DACH1: variants seen among roughly 807,000 people sequenced by gnomAD.
The protein encoded by DACH1 is dachshund homolog 1.
DACH1 carries 12 observed loss-of-function variants against 54.2 expected under a neutral mutation model. The observed-to-expected ratio is 0.22, with a 90% CI of 0.14 to 0.36. The LOEUF is 0.36. DACH1 is among the 10% of genes least tolerant of loss of function. The pLI is 1.00. For missense variants in DACH1, 805 were observed against 929.8 expected, an observed-to-expected ratio of 0.87 and a Z score of 1.75; for synonymous variants, 386 against 366.2, an observed-to-expected ratio of 1.05 and a Z score of -0.62.
At chr13:71,476,493 C>T (rs1442323775) in intron 8 of DACH1, among the ~76,000 whole-genome samples, 1 of 152,100 alleles carries the variant, frequency 6.6e-6, no homozygotes, top group Admixed American at 6.6e-5. Context: ...ATTTTTCTCA[C>T]AGCAAATTTA....
chr13:71,494,679 A>G (rs2138216272), intron 6 of DACH1, among the ~76,000 whole-genome samples: 1 of 152,236 alleles, frequency 6.6e-6, no homozygotes, highest in South Asian at 2.1e-4. Context: ...ATAAAGCAGC[A>G]CATATTATAA....
chr13:71,736,500 A>C lies in DACH1; in HGVS notation c.849-54590T>G, dbSNP rs181340468. On this transcript the variant is annotated intron_variant, in intron 1 of 10. Coordinates refer to ENST00000613252, the MANE Select transcript of DACH1 (RefSeq NM_080759.6). ...TACAGATTTTAAAATATATATATAA[A>C]TATAAAAGTGTGTGATTGCTGAAAG... Among the ~76,000 whole-genome samples the C allele has an allele frequency of 5.2e-3, 787 of 152,252 alleles. 1 individual carries two copies. Among genetic ancestry groups the C allele is most frequent in the Non-Finnish European group, 8.5e-3 (577 of 68,008 alleles).
At chr13:71,592,114 G>A (rs1873752815) in intron 3 of DACH1, among the ~76,000 whole-genome samples, 1 of 152,074 alleles carries the variant, frequency 6.6e-6, no homozygotes, top group African/African-American at 2.4e-5. Context: ...AACAATCAAA[G>A]AGAAGGGCCA....
chr13:71,542,206 C>A (rs111284251), intron 6 of DACH1, among the ~76,000 whole-genome samples: 2 of 151,876 alleles, frequency 1.3e-5, no homozygotes, highest in East Asian at 3.9e-4. Flanking sequence ...GCTGAGATTG[C>A]GCCATTGCAC....
At chr13:71,696,306 A>C (rs1439597490) in intron 1 of DACH1, among the ~76,000 whole-genome samples, 4 of 152,170 alleles carry the variant, frequency 2.6e-5, no homozygotes, top group Admixed American at 6.5e-5. Flanking sequence ...ACATTATATA[A>C]TTTAATCTCC....
At chr13:71,584,870 G>A (rs750831110) in intron 3 of DACH1, among the ~76,000 whole-genome samples, 63 of 152,096 alleles carry the variant, frequency 4.1e-4, no homozygotes, top group Non-Finnish European at 6.6e-4. Flanking sequence ...TTATTATGCA[G>A]TCATATAAAC....
chr13:71,705,318 C>A (rs757703883), intron 1 of DACH1, among the ~76,000 whole-genome samples: 15 of 152,126 alleles, frequency 9.9e-5, no homozygotes, highest in Non-Finnish European at 1.9e-4. Flanking sequence ...AAGTCCACAA[C>A]CAGAAACTAG....
chr13:71,607,038 T>C (rs1433687332), intron 3 of DACH1, among the ~76,000 whole-genome samples: 1 of 152,010 alleles, frequency 6.6e-6, no homozygotes, highest in African/African-American at 2.4e-5. Flanking sequence ...TTTCAAAAGG[T>C]TTGTGGTTTT....
intron 1 of DACH1, among the ~76,000 whole-genome samples, chr13:71,717,986 T>G (rs1655668847): frequency 6.6e-6 from 1 of 152,074 alleles, no homozygotes; most frequent in African/African-American, 2.4e-5. Context: ...TCATTTGGTC[T>G]TTTGCTACCC....
At chr13:71,591,958 C>T (rs1873743232) in intron 3 of DACH1, among the ~76,000 whole-genome samples, 1 of 152,082 alleles carries the variant, frequency 6.6e-6, no homozygotes, top group African/African-American at 2.4e-5. Flanking sequence ...AAAAAGGGAG[C>T]TTTTTCTCTA....
chr13:71,561,089 G>A (rs753107608), intron 4 of DACH1, among the ~76,000 whole-genome samples: 1 of 152,130 alleles, frequency 6.6e-6, no homozygotes, highest in Non-Finnish European at 1.5e-5. Flanking sequence ...GAGGTTCCAG[G>A]TTTTGTACTG....
chr13:71,649,575 T>C (rs1878532327), intron 2 of DACH1, among the ~76,000 whole-genome samples: 1 of 152,156 alleles, frequency 6.6e-6, no homozygotes, highest in South Asian at 2.1e-4. Context: ...TTAGTGTCCT[T>C]TGACATCAAA....
intron 1 of DACH1, among the ~76,000 whole-genome samples, chr13:71,773,967 T>G (rs1458922452): frequency 7.2e-6 from 1 of 139,522 alleles, no homozygotes; most frequent in East Asian, 1.9e-4. Context: ...GTCACTCTAT[T>G]GCCTGTTTAA....
chr13:71,579,767 T>C (rs1200639407), intron 3 of DACH1, among the ~76,000 whole-genome samples: 1 of 152,024 alleles, frequency 6.6e-6, no homozygotes, highest in East Asian at 1.9e-4. Flanking sequence ...ATTATAAAGA[T>C]AAAAGGTAAA....
At chr13:71,496,715 A>G (rs1879474856) in intron 6 of DACH1, among the ~76,000 whole-genome samples, 1 of 152,160 alleles carries the variant, frequency 6.6e-6, no homozygotes, top group African/African-American at 2.4e-5. Context: ...TATACAGATA[A>G]AAAAAGGAGA....
chr13:71,854,029 C>T (rs943484861), intron 1 of DACH1, among the ~76,000 whole-genome samples: 1 of 152,018 alleles, frequency 6.6e-6, no homozygotes, highest in Non-Finnish European at 1.5e-5. Context: ...GAAAAACAAA[C>T]AGCATTCCTG....
intron 2 of DACH1, among the ~76,000 whole-genome samples, chr13:71,645,355 T>C (rs1878193963): frequency 6.6e-6 from 1 of 152,210 alleles, no homozygotes. Flanking sequence ...CATAAGTGAA[T>C]GACAAGTTGC....
chr13:71,494,179 A>G (rs1175930806), intron 6 of DACH1, among the ~76,000 whole-genome samples: 1 of 152,144 alleles, frequency 6.6e-6, no homozygotes. Context: ...AGTTCTCTAC[A>G]TTAAGTTGTT....
chr13:71,634,308 C>T (rs1325043830), intron 2 of DACH1, among the ~76,000 whole-genome samples: 1 of 152,066 alleles, frequency 6.6e-6, no homozygotes, highest in Non-Finnish European at 1.5e-5. Context: ...TCAATGCTTG[C>T]TCTTAGGATC....
Sources: gnomAD v4.1 joint callset for allele counts (sites outside exome capture counted in the v4.1 genomes callset) on GRCh38, gnomAD v4.1.1 for gene constraint, MANE v1.5 for transcripts, NCBI Gene and HGNC (gene_info 2026-07-23, HGNC 2026-07-21) for gene names.